The following BCAS3 variants were observed in gnomAD, a reference collection of about 807,000 sequenced individuals.
BCAS3 encodes the protein BCAS4/BCAS3 fusion.
In BCAS3, 53 loss-of-function variants were observed where a neutral mutation model predicts 116.1. The observed-to-expected ratio is 0.46, with a 90% CI of 0.37 to 0.57. BCAS3 has a LOEUF of 0.57. Among genes scored for constraint, BCAS3 ranks in the 20% least tolerant of loss-of-function variants. The pLI is 0.00. For synonymous variants in BCAS3, 391 were observed against 408.2 expected (o/e 0.96, Z 0.51); for missense variants, 917 against 1,165.4 (o/e 0.79, Z 3.10).
chr17:61,056,333 C>T lies in BCAS3; in HGVS notation c.2029+15441C>T, dbSNP rs554897626. On this transcript the variant is annotated intron_variant, in intron 19 of 23. Transcript: ENST00000407086. The surrounding 1 kb of genome is among the most constrained non-coding windows in gnomAD (Gnocchi z 4.9). Reference sequence around the variant, plus strand: ...AGTAACTAACTGTGTGGCCTTAGTACAGTGCCCATGTTATATACTGATAGA... The same window carrying T: ...AGTAACTAACTGTGTGGCCTTAGTATAGTGCCCATGTTATATACTGATAGA... Among the ~76,000 whole-genome samples, 1 of 152,112 alleles carries T rather than the reference C, an allele frequency of 6.6e-6. No homozygotes were observed. The highest frequency in any genetic ancestry group is 1.5e-5 in the Non-Finnish European group (1 of 68,018).
intron 7 of BCAS3, among the ~76,000 whole-genome samples, chr17:60,847,885 C>T (rs947223052): frequency 5.9e-5 from 9 of 152,060 alleles, no homozygotes; most frequent in African/African-American, 1.9e-4. Flanking sequence ...GTTGCTTATA[C>T]TTTTGGTATC....
intron 6 of BCAS3, among the ~76,000 whole-genome samples, chr17:60,767,788 A>AATTT (rs563556661): frequency 2.5e-4 from 38 of 151,680 alleles, no homozygotes; most frequent in African/African-American, 5.3e-4. Flanking sequence ...TGCTTCTTCC[A>AATTT]ATTTATTTAT....
At chr17:60,870,437 C>T (rs1335918591) in intron 8 of BCAS3, among the ~76,000 whole-genome samples, 1 of 151,986 alleles carries the variant, frequency 6.6e-6, no homozygotes, top group Non-Finnish European at 1.5e-5. Context: ...AAAAGGGTCT[C>T]GGGAAGTGTG....
chr17:61,252,396 G>T (rs1419875822), intron 22 of BCAS3, among the ~76,000 whole-genome samples: 4 of 152,162 alleles, frequency 2.6e-5, no homozygotes, highest in Admixed American at 6.5e-5. Flanking sequence ...AGCCCCCCCA[G>T]TTCCAGCTTC....
intron 6 of BCAS3, among the ~76,000 whole-genome samples, chr17:60,792,731 G>C (rs2046885440): frequency 6.6e-6 from 1 of 152,102 alleles, no homozygotes; most frequent in African/African-American, 2.4e-5. Context: ...TGCAAATGCT[G>C]GCTCACTTCT....
chr17:61,101,800 T>A (rs1308585133), intron 22 of BCAS3, among the ~76,000 whole-genome samples: 1 of 152,186 alleles, frequency 6.6e-6, no homozygotes, highest in Non-Finnish European at 1.5e-5. Flanking sequence ...AATATTTGGC[T>A]TTTTAATAAA....
At chr17:60,793,533 A>T (rs1312889964) in intron 6 of BCAS3, among the ~76,000 whole-genome samples, 2 of 152,140 alleles carry the variant, frequency 1.3e-5, no homozygotes, top group African/African-American at 4.8e-5. Flanking sequence ...CCATATTTGC[A>T]GTCTTTTATC....
At chr17:60,906,615 A>G (rs994169355) in intron 11 of BCAS3, among the ~76,000 whole-genome samples, 2 of 152,058 alleles carry the variant, frequency 1.3e-5, no homozygotes, top group African/African-American at 2.4e-5. Context: ...AAATGTCTGG[A>G]TTTCCTTATT....
rs559023089 is a variant in BCAS3, at chr17:61,319,276, C to T, written c.2426-49051C>T. Among the ~76,000 whole-genome samples, 3 of 152,284 alleles carry T rather than the reference C, an allele frequency of 2.0e-5. No individual in the cohort carries two copies. In the South Asian group the frequency reaches 6.2e-4, roughly 32 times the overall value. ...ATTCTGACCCTTTGAACTTGAAATC[C>T]TCAGAGAGCTTTCTATTCTAATAAA... On this transcript the variant is annotated intron_variant, in intron 22 of 23. Coordinates refer to ENST00000407086, the MANE Select transcript of BCAS3 (RefSeq NM_017679.5).
chr17:60,854,339 A>T (rs887559449), intron 7 of BCAS3, among the ~76,000 whole-genome samples: 1 of 152,172 alleles, frequency 6.6e-6, no homozygotes, highest in African/African-American at 2.4e-5. Context: ...TGCTGTTGTG[A>T]ATAGTGCCGC....
At chr17:60,877,604 A>G (rs547880890) in intron 9 of BCAS3, among the ~76,000 whole-genome samples, 4 of 152,352 alleles carry the variant, frequency 2.6e-5, no homozygotes, top group Non-Finnish European at 4.4e-5. Flanking sequence ...TTGTTAAAGC[A>G]TTAGTCTCTT....
chr17:60,962,324 C>G lies in BCAS3; in HGVS notation c.1221+14972C>G, dbSNP rs750360773. 6.6e-6 allele frequency among the ~76,000 whole-genome samples: 1 copy of G among 152,152 alleles called. No individual in the cohort carries two copies. Among genetic ancestry groups the G allele is most frequent in the Non-Finnish European group, 1.5e-5 (1 of 68,014 alleles). On this transcript the variant is annotated intron_variant, in intron 14 of 23. Transcript: ENST00000407086. This position sits in a 1 kb window ranked among gnomAD's most constrained non-coding sequence, Gnocchi z 4.4. ...CCAGCAGTGTGCAAGGGTCTCTTCT[C>G]CACATTCTCACCAGCATCTTTTATT...
At chr17:60,698,472 T>C (rs1003615488) in intron 4 of BCAS3, among the ~76,000 whole-genome samples, 1 of 151,844 alleles carries the variant, frequency 6.6e-6, no homozygotes. Context: ...AGTGAAACTC[T>C]GTCTGTATTT....
intron 6 of BCAS3, among the ~76,000 whole-genome samples, chr17:60,806,827 C>T (rs554049667): frequency 1.3e-5 from 2 of 152,284 alleles, no homozygotes; most frequent in South Asian, 4.1e-4. Context: ...AGGCACAGAG[C>T]ACCTTTTCAT....
At chr17:60,797,770 GAGAA>G (rs1240789204) in intron 6 of BCAS3, among the ~76,000 whole-genome samples, 1 of 152,098 alleles carries the variant, frequency 6.6e-6, no homozygotes, top group East Asian at 1.9e-4. Flanking sequence ...ACTTATCAGT[GAGAA>G]CACGTGGTGT....
At chr17:60,679,378 A>G in intron 1 of BCAS3, 75 bp from the exon 2 acceptor site, 1 of 1,143,068 alleles carries the variant, frequency 8.7e-7, no homozygotes, top group East Asian at 2.4e-5. Context: ...GTGAGTAATC[A>G]TAAATCTTCC....
chr17:60,799,708 CTTTTTTTTTTTTTT>C (rs67510415), intron 6 of BCAS3, among the ~76,000 whole-genome samples: 2 of 49,838 alleles, frequency 4.0e-5, no homozygotes, highest in South Asian at 1.3e-3. Flanking sequence ...TTTTTCTTTT[CTTTTTTTTTTTTTT>C]TTTTTTTTTT....
At chr17:61,306,966 G>C (rs1293425057) in intron 22 of BCAS3, among the ~76,000 whole-genome samples, 1 of 152,204 alleles carries the variant, frequency 6.6e-6, no homozygotes, top group Non-Finnish European at 1.5e-5. Context: ...CCTGGCTTCA[G>C]ATCTTTCCAG....
At chr17:60,979,360 T>C (rs2062638278) in intron 14 of BCAS3, among the ~76,000 whole-genome samples, 2 of 148,474 alleles carry the variant, frequency 1.3e-5, no homozygotes, top group African/African-American at 5.0e-5. Context: ...TTTTGTATCC[T>C]GAGACTTTGC....
Sources: allele counts gnomAD v4.1 joint callset (sites outside exome capture counted in the v4.1 genomes callset), GRCh38; gene constraint gnomAD v4.1.1; non-coding constraint Gnocchi (gnomAD v3.1); transcripts MANE v1.5; gene names NCBI Gene and HGNC (gene_info 2026-07-23, HGNC 2026-07-21).